NPNT: variants seen among roughly 807,000 people sequenced by gnomAD.
The protein encoded by NPNT is preosteoblast EGF-like repeat protein with MAM domain.
Under a neutral mutation model 68.6 loss-of-function variants are expected in NPNT, and 45 were observed. That is an observed-to-expected ratio of 0.66 (90% confidence interval 0.52 to 0.84). NPNT has a LOEUF of 0.84. NPNT is among the 40% of genes least tolerant of loss of function. The probability of loss-of-function intolerance (pLI) is 0.00; values close to 1 mark genes in which losing one functional copy is unlikely to be tolerated. For missense variants in NPNT, 672 were observed against 714.8 expected (o/e 0.94, Z 0.68); for synonymous variants, 233 against 253.3 (o/e 0.92, Z 0.76).
chr4:105,898,079 CA>C, intron 2 of NPNT, 78 bp downstream of exon 2: 1 of 967,022 alleles, frequency 1.0e-6, no homozygotes, highest in East Asian at 2.4e-5. Flanking sequence ...CCCCACATAT[CA>C]GAGGGTTCAT....
chr4:105,950,690 C>A (rs1015080875), intron 8 of NPNT, among the ~76,000 whole-genome samples: 1 of 152,114 alleles, frequency 6.6e-6, no homozygotes, highest in African/African-American at 2.4e-5. Context: ...ATTCAACCAG[C>A]GGTGAGCTGG....
chr4:105,927,264 T>C, intron 2 of NPNT, 72 bp from the exon 3 acceptor site: 1 of 908,738 alleles, frequency 1.1e-6, no homozygotes, highest in Non-Finnish European at 1.7e-6. Context: ...ATTAAACTAG[T>C]GCACGACATC....
At chr4:105,941,293 T>C (rs1394252088) in intron 7 of NPNT, among the ~76,000 whole-genome samples, 2 of 152,056 alleles carry the variant, frequency 1.3e-5, no homozygotes, top group Non-Finnish European at 1.5e-5. Flanking sequence ...ATGAGCCCAG[T>C]GAGCTCTGAC....
rs1478088877 is a variant in NPNT at position 105,970,960 on chromosome 4, A to C, written c.*1970A>C. 6.6e-6 allele frequency: 2 copies of C among 302,718 alleles called. No homozygotes were observed. The highest frequency in any genetic ancestry group is 1.6e-4 in the East Asian group (2 of 12,528). 18.8% of individuals were successfully genotyped at this position (302,718 alleles called of 1,614,324 possible). On this transcript the variant is annotated 3_prime_UTR_variant, in exon 12 of 12. Transcript: ENST00000379987. ...TCCTAGCAGTATTAAAGAAAAAAGGAAACTATTTATTCCAAATGAGAGTAT... is the reference window on the plus strand; with the variant it reads ...TCCTAGCAGTATTAAAGAAAAAAGGCAACTATTTATTCCAAATGAGAGTAT...
chr4:105,970,441 G>A lies in NPNT; in HGVS notation c.*1451G>A, dbSNP rs1239521450. The A allele has an allele frequency of 1.4e-6, 1 of 700,942 alleles. No individual in the cohort carries two copies. Among genetic ancestry groups the A allele is most frequent in the East Asian group, 2.7e-5 (1 of 37,184 alleles). 43.4% of individuals were successfully genotyped at this position (700,942 alleles called of 1,614,324 possible). A position where few individuals can be genotyped will look rare whatever the true frequency, so the allele number is the denominator to read the frequency against. Reference sequence around the variant, plus strand: ...AAAGATCTATGATGGAAAATTAAAGGAACTGGGATTATTGAGCCTGGAGAA... The same window carrying A: ...AAAGATCTATGATGGAAAATTAAAGAAACTGGGATTATTGAGCCTGGAGAA... On this transcript the variant is annotated 3_prime_UTR_variant, in exon 12 of 12. Transcript: ENST00000379987.
At chr4:105,924,027 C>T (rs1358873532) in intron 2 of NPNT, among the ~76,000 whole-genome samples, 3 of 150,480 alleles carry the variant, frequency 2.0e-5, no homozygotes, top group Non-Finnish European at 4.4e-5. Context: ...AAGAAGCAGT[C>T]CCCTTTGCTG....
intron 2 of NPNT, chr4:105,912,457 T>C: frequency 2.2e-6 from 1 of 463,194 alleles, no homozygotes. Context: ...CCGTTTCAGT[T>C]GATTATTCCT....
chr4:105,906,810 T>A (rs1055590596), intron 2 of NPNT, among the ~76,000 whole-genome samples: 1 of 152,240 alleles, frequency 6.6e-6, no homozygotes, highest in Non-Finnish European at 1.5e-5. Context: ...GGAGATTTTT[T>A]AATATCAATT....
intron 3 of NPNT, chr4:105,932,851 G>T: frequency 1.8e-6 from 1 of 564,510 alleles, no homozygotes; most frequent in Non-Finnish European, 3.1e-6. Flanking sequence ...ATTGCCACCT[G>T]GTGCTGATTC....
intron 2 of NPNT, chr4:105,912,471 T>G: frequency 2.2e-6 from 1 of 462,636 alleles, no homozygotes; most frequent in Non-Finnish European, 3.4e-6. Context: ...TATTCCTTTC[T>G]TCTGTTTTAT....
chr4:105,951,796 C>A (rs1257507032), intron 8 of NPNT, among the ~76,000 whole-genome samples: 1 of 152,100 alleles, frequency 6.6e-6, no homozygotes, highest in Admixed American at 6.5e-5. Flanking sequence ...TATAAATGGG[C>A]CCTTGGTGAT....
chr4:105,927,269 G>T, intron 2 of NPNT, 67 bp from the exon 3 acceptor site: 2 of 937,440 alleles, frequency 2.1e-6, no homozygotes, highest in South Asian at 1.5e-5. Flanking sequence ...ACTAGTGCAC[G>T]ACATCAATGC....
chr4:105,958,391 T>A (rs1731403896), intron 8 of NPNT, 80 bp from the exon 9 acceptor site: 1 of 712,728 alleles, frequency 1.4e-6, no homozygotes, highest in Admixed American at 2.4e-5. Flanking sequence ...CTTTTCCTCC[T>A]GCCCTTGTTA....
chr4:105,898,328 GTCTC>G (rs66945682), intron 2 of NPNT, among the ~76,000 whole-genome samples: 3,795 of 53,740 alleles, frequency 0.071, 59 homozygotes, highest in Non-Finnish European at 0.077. Context: ...CTCTCTCTCT[GTCTC>G]TCTCTCTCTC....
At chr4:105,937,238 G>A in intron 4 of NPNT, 110 bp downstream of exon 4, 1 of 1,049,198 alleles carries the variant, frequency 9.5e-7, no homozygotes, top group Non-Finnish European at 1.4e-6. Context: ...AACAAGATGT[G>A]TGCGTGTGTT....
At position 105,897,921 on chromosome 4, in the gene NPNT, C is replaced by A. The variant is rs1360594806; in HGVS notation, c.92C>A (p.Ser31Ter). ...GGTAGGTGGCCCAGGCAAATAGTGT[C>A]ATCGATTGGCCTATGTCGTTATGGT... ...FDGRWPRQIV[S>*]SIGLCRYGGR... The change falls in exon 2 of 12, where the codon TCA becomes TAA. Residue 31 changes from serine to a stop codon, truncating the protein, a stop_gained. Transcript: ENST00000379987. LOFTEE classifies it high-confidence loss of function. 6.2e-7 allele frequency: 1 copy of A among 1,613,272 alleles called. No homozygotes were observed. The highest frequency in any genetic ancestry group is 8.5e-7 in the Non-Finnish European group (1 of 1,179,384).
chr4:105,967,486 C>T (rs756630770), intron 11 of NPNT, 42 bp downstream of exon 11: 1 of 1,497,008 alleles, frequency 6.7e-7, no homozygotes, highest in Admixed American at 2.4e-5. Flanking sequence ...GGACGTTTTC[C>T]TTTCATAGGA....
chr4:105,897,292 T>G (rs987044611), intron 1 of NPNT, among the ~76,000 whole-genome samples: 1 of 152,266 alleles, frequency 6.6e-6, no homozygotes, highest in African/African-American at 2.4e-5. Context: ...ACTTGAGATA[T>G]CAGCTACACT....
intron 10 of NPNT, among the ~76,000 whole-genome samples, chr4:105,965,814 T>C (rs1732082731): frequency 6.6e-6 from 1 of 152,238 alleles, no homozygotes; most frequent in Non-Finnish European, 1.5e-5. Context: ...TTTTTTGCTG[T>C]ATCCTTGGAA....
Sources: gnomAD v4.1 joint callset for allele counts (sites outside exome capture counted in the v4.1 genomes callset) on GRCh38, gnomAD v4.1.1 for gene constraint, MANE v1.5 for transcripts, NCBI Gene and HGNC (gene_info 2026-07-23, HGNC 2026-07-21) for gene names.